Variants in TREML4 observed in about 807,000 individuals in gnomAD.
TREML4 encodes trem-like transcript 4 protein.
In TREML4, 25 loss-of-function variants were observed where a neutral mutation model predicts 25.4. The ratio of observed to expected loss-of-function variants is 0.98; its 90% CI spans 0.72 to 1.37. The LOEUF (loss-of-function observed/expected upper bound fraction) is 1.37, where lower values mean the gene tolerates loss of function less well. Among genes scored for constraint, TREML4 ranks in the 40% most tolerant of loss-of-function variants. TREML4 has a pLI of 0.00. For synonymous variants in TREML4, 92 were observed against 87.9 expected (o/e 1.05, Z -0.26); for missense variants, 268 against 236.5 (o/e 1.13, Z -0.87).
chr6:41,230,684 G>A (rs9367098), intron 4 of TREML4, among the ~76,000 whole-genome samples: 40,404 of 152,124 alleles, frequency 0.27, 6,552 homozygotes, highest in East Asian at 0.4. Context: ...TTGCTCCGTA[G>A]CCCTCTTCTC....
rs1264126901 is a variant in TREML4, at chr6:41,237,453, ATCCCTCACATT to A, written c.*439_*449del. On this transcript the variant is annotated 3_prime_UTR_variant, in exon 6 of 6. Coordinates refer to ENST00000341495, the MANE Select transcript of TREML4 (RefSeq NM_198153.3). ...AGCCCCACCTCAGCAGGTCTCCAGG[ATCCCTCACATT>A]TCCCCTGTTTGTTGCCTGTGGTCTG... is the stretch of plus-strand genomic sequence containing the variant. 6.6e-6 allele frequency: 1 copy of A among 152,366 alleles called. No homozygotes were observed. The highest frequency in any genetic ancestry group is 1.9e-4 in the East Asian group (1 of 5,186). 9.4% of individuals were successfully genotyped at this position (152,366 alleles called of 1,614,324 possible). A position where few individuals can be genotyped will look rare whatever the true frequency, so the allele number is the denominator to read the frequency against.
In TREML4 at chr6:41,230,887, T is replaced by C. The variant is rs138936000; in HGVS notation, c.506+765T>C. Among the ~76,000 whole-genome samples, 181 of 152,270 alleles carry C rather than the reference T, an allele frequency of 1.2e-3. 1 individual carries two copies. Among genetic ancestry groups the C allele is most frequent in the African/African-American group, 4.1e-3 (172 of 41,554 alleles). On this transcript the variant is annotated intron_variant, in intron 4 of 5. Coordinates refer to ENST00000341495, the MANE Select transcript of TREML4 (RefSeq NM_198153.3). Reference sequence around the variant, plus strand: ...TGAGTGGTGAGCCACTGAAGTTCATTTGAATTACAGCCTCTTTCCATAGCT... The same window carrying C: ...TGAGTGGTGAGCCACTGAAGTTCATCTGAATTACAGCCTCTTTCCATAGCT...
rs768089260 is a variant in TREML4, at chr6:41,230,079, G to A, written c.463G>A (p.Glu155Lys). 2.4e-5 allele frequency: 38 copies of A among 1,611,618 alleles called. No homozygotes were observed. The highest frequency in any genetic ancestry group is 3.1e-5 in the Non-Finnish European group (37 of 1,177,878). ...CTCTTTAGTTCTGATCACTTCTCCA[G>A]AGGGGACCTCTGGCCATCCCTCCAT... ...PTSTVLITSP[E>K]GTSGHPSING... Residue 155 changes from glutamate to lysine, a missense_variant, in exon 4 of 6, where the codon GAG becomes AAG. Physicochemically the swap from Glu to Lys is moderately conservative, Grantham distance 56. Transcript: ENST00000341495.
chr6:41,235,682 C>CA (rs1766882548), intron 4 of TREML4, among the ~76,000 whole-genome samples: 2 of 152,128 alleles, frequency 1.3e-5, no homozygotes, highest in African/African-American at 4.8e-5. Context: ...CAATCCATGA[C>CA]TTTGGAAGAG....
intron 2 of TREML4, among the ~76,000 whole-genome samples, 167 bp from the exon 3 acceptor site, chr6:41,229,354 A>G (rs1325025587): frequency 6.6e-6 from 1 of 151,964 alleles, no homozygotes; most frequent in African/African-American, 2.4e-5. Flanking sequence ...ACACACTAAC[A>G]CACACACACC....
rs754641442 is a variant in TREML4, at chr6:41,236,497, C to A, written c.518C>A (p.Ala173Asp). Residue 173 changes from alanine (A) to aspartate (D), a missense_variant, in exon 5 of 6, where the codon GCC (alanine) becomes GAC (aspartate). Ala to Asp is a moderately radical substitution (Grantham distance 126, BLOSUM62 -2). Coordinates refer to ENST00000341495, the MANE Select transcript of TREML4 (RefSeq NM_198153.3). ...INGSETRKSR[A>D]PACLGSGGPR... ...CTTCTTCCCTGCAGGAAATCAAGAG[C>A]CCCTGCCTGCCTTGGCTCAGGTGGC... 9 of 1,614,054 alleles carry A rather than the reference C, an allele frequency of 5.6e-6. No individual in the cohort carries two copies. Among genetic ancestry groups the A allele is most frequent in the Non-Finnish European group, 7.6e-6 (9 of 1,179,956 alleles).
chr6:41,230,498 C>A (rs748960589), intron 4 of TREML4, among the ~76,000 whole-genome samples: 1 of 152,110 alleles, frequency 6.6e-6, no homozygotes, highest in Admixed American at 6.5e-5. Context: ...AGATGAGAGG[C>A]ATACTGTTAA....
At chr6:41,234,276 A>G (rs1766858063) in intron 4 of TREML4, among the ~76,000 whole-genome samples, 1 of 152,054 alleles carries the variant, frequency 6.6e-6, no homozygotes, top group Non-Finnish European at 1.5e-5. Flanking sequence ...TATGACCACT[A>G]TATATCAAAA....
rs907570217 is a variant in TREML4, at chr6:41,237,663, C to T, written c.*644C>T. 1 of 152,108 alleles carries T rather than the reference C, an allele frequency of 6.6e-6. No individual in the cohort carries two copies. Among genetic ancestry groups the T allele is most frequent in the African/African-American group, 2.4e-5 (1 of 41,420 alleles). 9.4% of individuals were successfully genotyped at this position (152,108 alleles called of 1,614,324 possible). Reference sequence around the variant, plus strand: ...TTAAAAATAAATGATAAAATTGAAACTAAGAAAGGCTGTAATCAGCAGACT... The same window carrying T: ...TTAAAAATAAATGATAAAATTGAAATTAAGAAAGGCTGTAATCAGCAGACT... On this transcript the variant is annotated 3_prime_UTR_variant, in exon 6 of 6. Transcript: ENST00000341495.
intron 4 of TREML4, chr6:41,231,027 TATG>T (rs1230039495): frequency 2.7e-6 from 1 of 366,816 alleles, no homozygotes; most frequent in Non-Finnish European, 5.6e-6. Flanking sequence ...GCACGCTCCT[TATG>T]ATAATTGAAT....
At chr6:41,234,136 G>A (rs948927845) in intron 4 of TREML4, among the ~76,000 whole-genome samples, 1 of 152,062 alleles carries the variant, frequency 6.6e-6, no homozygotes, top group Non-Finnish European at 1.5e-5. Flanking sequence ...GTACGACACA[G>A]AATATATTCT....
At chr6:41,229,965 C>T in intron 3 of TREML4, 97 bp from the exon 4 acceptor site, 2 of 1,040,492 alleles carry the variant, frequency 1.9e-6, no homozygotes, top group Non-Finnish European at 3.0e-6. Flanking sequence ...GGGGCTGCCT[C>T]TGGCCCCTCT....
chr6:41,230,269 A>G (rs1019445567), intron 4 of TREML4, 147 bp downstream of exon 4: 3 of 615,294 alleles, frequency 4.9e-6, no homozygotes, highest in East Asian at 5.5e-5. Context: ...CCCCCAGGCC[A>G]TGACTCAAAA....
intron 2 of TREML4, 87 bp downstream of exon 2, chr6:41,229,131 A>T: frequency 8.3e-7 from 1 of 1,200,690 alleles, no homozygotes; most frequent in East Asian, 2.4e-5. Context: ...TGCCTCTATC[A>T]TCCCCCATCC....
rs571615412 is a variant in TREML4 at position 41,229,307 on chromosome 6, T to A, written c.395-214T>A. ...GTCTGTCACTCTGCGTCTCTCTTTGTCTTACACAGGCACACCCACAACTCT... is the reference window on the plus strand; with the variant it reads ...GTCTGTCACTCTGCGTCTCTCTTTGACTTACACAGGCACACCCACAACTCT... On this transcript the variant is annotated intron_variant, in intron 2 of 5. Coordinates refer to ENST00000341495, the MANE Select transcript of TREML4 (RefSeq NM_198153.3). 5.3e-5 allele frequency among the ~76,000 whole-genome samples: 8 copies of A among 152,176 alleles called. No individual in the cohort carries two copies. The East Asian group carries it at 1.5e-3, about 29-fold the overall frequency.
intron 4 of TREML4, chr6:41,232,474 C>T (rs1237598779): frequency 3.0e-5 from 7 of 235,828 alleles, no homozygotes; most frequent in Non-Finnish European, 4.5e-5. Flanking sequence ...AGACTGGCTT[C>T]GCAGAAGACA....
chr6:41,232,288 G>A, intron 4 of TREML4: 1 of 315,156 alleles, frequency 3.2e-6, no homozygotes, highest in Non-Finnish European at 6.7e-6. Flanking sequence ...AAACCCTGGA[G>A]ACGCTGCTAG....
Position 41,229,558 on chromosome 6 carries a change from C to T in TREML4, c.432C>T (p.Leu144=). 6.2e-7 allele frequency: 1 copy of T among 1,613,920 alleles called. No individual in the cohort carries two copies. The highest frequency in any genetic ancestry group is 8.5e-7 in the Non-Finnish European group (1 of 1,179,908). The part of the protein sequence containing the change: ...TTSPMWTLPW[L]PTSTVLITSP... ...CTCCTATGTGGACTCTTCCCTGGCT[C>T]CCAACAAGCACAGGTAGGTTGGAGG... is the stretch of plus-strand genomic sequence containing the variant. Residue 144 remains leucine (L), a synonymous_variant, in exon 3 of 6, where the codon CTC becomes CTT. Transcript: ENST00000341495.
In TREML4 at chr6:41,230,087, C is replaced by A; in HGVS notation, c.471C>A (p.Thr157=). Residue 157 remains threonine, a synonymous_variant, in exon 4 of 6, where the codon ACC becomes ACA. Coordinates refer to ENST00000341495, the MANE Select transcript of TREML4 (RefSeq NM_198153.3). The part of the protein sequence containing the change: ...STVLITSPEG[T]SGHPSINGSE... ...TTCTGATCACTTCTCCAGAGGGGAC[C>A]TCTGGCCATCCCTCCATCAATGGCT... 1 of 1,611,826 alleles carries A rather than the reference C, an allele frequency of 6.2e-7. No homozygotes were observed. Among genetic ancestry groups the A allele is most frequent in the Non-Finnish European group, 8.5e-7 (1 of 1,177,940 alleles).
Sources: gnomAD v4.1 joint callset for allele counts (sites outside exome capture counted in the v4.1 genomes callset) on GRCh38, gnomAD v4.1.1 for gene constraint, MANE v1.5 for transcripts, NCBI Gene and HGNC (gene_info 2026-07-23, HGNC 2026-07-21) for gene names.